Variants in MAML2 observed in about 807,000 individuals in gnomAD.
The protein encoded by MAML2 is mastermind-like protein 2.
In MAML2, 22 loss-of-function variants were observed where a neutral mutation model predicts 96.1. The observed-to-expected ratio is 0.23, with a 90% CI of 0.16 to 0.33. The LOEUF (loss-of-function observed/expected upper bound fraction) is 0.33. MAML2 is among the 10% of genes least tolerant of loss of function. MAML2 has a pLI of 1.00. For synonymous variants in MAML2, 561 were observed against 521.3 expected, an observed-to-expected ratio of 1.08 and a Z score of -1.04; for missense variants, 1,367 against 1,392.4, an observed-to-expected ratio of 0.98 and a Z score of 0.29.
chr11:96,180,807 C>G (rs1861471757), intron 1 of MAML2, among the ~76,000 whole-genome samples: 1 of 152,100 alleles, frequency 6.6e-6, no homozygotes, highest in African/African-American at 2.4e-5. Flanking sequence ...TTTATTTCAC[C>G]TGGGTACAGG....
chr11:96,067,590 G>T (rs998062179), intron 2 of MAML2, among the ~76,000 whole-genome samples: 7 of 150,224 alleles, frequency 4.7e-5, no homozygotes, highest in Non-Finnish European at 8.9e-5. Context: ...ATCCCATTTG[G>T]TTTTTTTTTT....
At chr11:96,014,776 A>G (rs887933534) in intron 2 of MAML2, among the ~76,000 whole-genome samples, 5 of 152,260 alleles carry the variant, frequency 3.3e-5, no homozygotes, top group African/African-American at 1.2e-4. Context: ...CAAAGACTTA[A>G]ATCAATTACA....
At chr11:96,073,776 GGCT>G (rs1565205994) in intron 2 of MAML2, among the ~76,000 whole-genome samples, 1 of 152,150 alleles carries the variant, frequency 6.6e-6, no homozygotes, top group African/African-American at 2.4e-5. Flanking sequence ...AAGGTGATAC[GGCT>G]CTGGTTGGCT....
intron 1 of MAML2, among the ~76,000 whole-genome samples, chr11:96,098,787 C>A (rs940217120): frequency 6.6e-6 from 1 of 152,172 alleles, no homozygotes; most frequent in African/African-American, 2.4e-5. Context: ...TATGAGAACG[C>A]CTAGGAACAA....
At chr11:96,158,840 G>A (rs1024691577) in intron 1 of MAML2, among the ~76,000 whole-genome samples, 1 of 152,160 alleles carries the variant, frequency 6.6e-6, no homozygotes, top group Non-Finnish European at 1.5e-5. Flanking sequence ...TTTCAGGAAA[G>A]GACATAAAAT....
At chr11:96,068,966 G>C (rs1213303825) in intron 2 of MAML2, among the ~76,000 whole-genome samples, 1 of 140,200 alleles carries the variant, frequency 7.1e-6, no homozygotes, top group East Asian at 2.1e-4. Context: ...CTTCCATCTA[G>C]GCTGGAGTGT....
intron 1 of MAML2, among the ~76,000 whole-genome samples, chr11:96,328,899 C>T (rs1002408970): frequency 1.3e-5 from 2 of 151,976 alleles, no homozygotes; most frequent in African/African-American, 4.8e-5. Flanking sequence ...TATAGTTCCC[C>T]GTTAAAGCAG....
chr11:96,129,118 G>GA (rs1189897886), intron 1 of MAML2, among the ~76,000 whole-genome samples: 1 of 152,048 alleles, frequency 6.6e-6, no homozygotes, highest in Non-Finnish European at 1.5e-5. Flanking sequence ...ATCATACATG[G>GA]AAAAAAGGTG....
chr11:96,335,359 A>C (rs545247232), intron 1 of MAML2, among the ~76,000 whole-genome samples: 20 of 152,356 alleles, frequency 1.3e-4, no homozygotes, highest in Middle Eastern at 3.4e-3. Flanking sequence ...ACACATCAAG[A>C]GAGTATAAAC....
Position 96,167,742 on chromosome 11 carries a change from C to T in MAML2, c.514-74225G>A, listed in dbSNP as rs533503111. On this transcript the variant is annotated intron_variant, in intron 1 of 4. Transcript: ENST00000524717. ...CTCATTCATTAATTCACTCATTCAA[C>T]ATATTTATTTTGAGCACCTAATATT... Among the ~76,000 whole-genome samples the T allele has an allele frequency of 4.3e-4, 66 of 152,306 alleles. 1 individual carries two copies. In the South Asian group the frequency reaches 0.013, roughly 30 times the overall value.
At chr11:96,177,916 T>TTGTGTGTGTGTGTGTGTGTGTG (rs58447778) in intron 1 of MAML2, among the ~76,000 whole-genome samples, 1 of 139,854 alleles carries the variant, frequency 7.2e-6, no homozygotes, top group African/African-American at 2.7e-5. Context: ...GAGACCTTAG[T>TTGTGTGTGTGTGTGTGTGTGTG]TGTGTGTGTG....
At chr11:96,106,509 C>T (rs1419055475) in intron 1 of MAML2, among the ~76,000 whole-genome samples, 1 of 152,116 alleles carries the variant, frequency 6.6e-6, no homozygotes, top group African/African-American at 2.4e-5. Flanking sequence ...ACTGACTGCC[C>T]CTGATTAGAA....
chr11:96,034,203 A>G (rs1858662967), intron 2 of MAML2, among the ~76,000 whole-genome samples: 1 of 152,192 alleles, frequency 6.6e-6, no homozygotes, highest in South Asian at 2.1e-4. Context: ...ACATTGTAGT[A>G]CTTTAGGTGG....
intron 1 of MAML2, among the ~76,000 whole-genome samples, chr11:96,181,071 CA>C (rs1861477254): frequency 6.6e-6 from 1 of 152,132 alleles, no homozygotes; most frequent in South Asian, 2.1e-4. Context: ...CGGCCATTTA[CA>C]CTTCTTTTGT....
chr11:96,159,485 TG>T (rs574301479), intron 1 of MAML2, among the ~76,000 whole-genome samples: 2 of 61,252 alleles, frequency 3.3e-5, no homozygotes, highest in South Asian at 1.3e-3. Flanking sequence ...CGATCTCGGC[TG>T]CGAGCCGAGA....
chr11:96,033,947 T>C, intron 2 of MAML2, among the ~76,000 whole-genome samples: 1 of 152,194 alleles, frequency 6.6e-6, no homozygotes. Context: ...CTTCATTTGT[T>C]AGGCATGAAA....
intron 1 of MAML2, among the ~76,000 whole-genome samples, chr11:96,153,451 G>A (rs1471435578): frequency 6.6e-6 from 1 of 151,946 alleles, no homozygotes; most frequent in Non-Finnish European, 1.5e-5. Flanking sequence ...TTATATTTTG[G>A]TATTTTGATC....
chr11:96,158,549 C>T (rs561796105), intron 1 of MAML2, among the ~76,000 whole-genome samples: 3 of 152,310 alleles, frequency 2.0e-5, no homozygotes, highest in South Asian at 2.1e-4. Flanking sequence ...CCTGAAATCA[C>T]AGCAGATTTC....
chr11:96,315,728 T>A (rs1020323870), intron 1 of MAML2, among the ~76,000 whole-genome samples: 1 of 152,226 alleles, frequency 6.6e-6, no homozygotes, highest in Non-Finnish European at 1.5e-5. Context: ...TAGTTGTCCC[T>A]GAGGATACTT....
Sources: allele counts gnomAD v4.1 joint callset (sites outside exome capture counted in the v4.1 genomes callset), GRCh38; gene constraint gnomAD v4.1.1; transcripts MANE v1.5; gene names NCBI Gene and HGNC (gene_info 2026-07-23, HGNC 2026-07-21).